MYO10: variants seen among roughly 807,000 people sequenced by gnomAD.
MYO10 encodes the protein unconventional myosin-X.
Under a neutral mutation model 257.3 loss-of-function variants are expected in MYO10, and 133 were observed. The ratio of observed to expected loss-of-function variants is 0.52; its 90% CI spans 0.45 to 0.60. The LOEUF is 0.60. Ranked by LOEUF, MYO10 falls within the 20% of genes least tolerant of loss-of-function variation. The pLI is 0.00. For synonymous variants in MYO10, 1,104 were observed against 1,028.6 expected (o/e 1.07, Z -1.40); for missense variants, 2,399 against 2,635.7 (o/e 0.91, Z 1.97).
intron 19 of MYO10, among the ~76,000 whole-genome samples, chr5:16,726,808 T>C (rs1263482449): frequency 1.3e-5 from 2 of 152,204 alleles, no homozygotes; most frequent in African/African-American, 2.4e-5. Flanking sequence ...TACATTTAGT[T>C]AGAGTGAGGG....
intron 6 of MYO10, 80 bp from the exon 7 acceptor site, chr5:16,780,821 C>G: frequency 2.2e-6 from 3 of 1,358,382 alleles, no homozygotes; most frequent in Non-Finnish European, 3.0e-6. Context: ...ATTTTCTATT[C>G]TTTGGTGCTC....
intron 1 of MYO10, among the ~76,000 whole-genome samples, chr5:16,911,587 C>T (rs1055163161): frequency 6.6e-6 from 1 of 152,048 alleles, no homozygotes. Context: ...CAAAAATTAG[C>T]TGGGTATTGT....
intron 33 of MYO10, among the ~76,000 whole-genome samples, chr5:16,677,895 G>A (rs1736810895): frequency 6.6e-6 from 1 of 151,874 alleles, no homozygotes; most frequent in South Asian, 2.1e-4. Context: ...CAAGTAGCTG[G>A]GACTACAGGC....
At chr5:16,824,150 T>G (rs185884850) in intron 2 of MYO10, among the ~76,000 whole-genome samples, 22 of 152,274 alleles carry the variant, frequency 1.4e-4, no homozygotes, top group Middle Eastern at 3.4e-3. Flanking sequence ...GCCCCCAGTC[T>G]TAAAACCTAA....
intron 39 of MYO10, 105 bp downstream of exon 39, chr5:16,670,421 A>C (rs975207273): frequency 2.9e-6 from 3 of 1,029,136 alleles, no homozygotes; most frequent in Non-Finnish European, 4.2e-6. Context: ...AGGTTGAGAG[A>C]GCAAAATGCT....
intron 40 of MYO10, among the ~76,000 whole-genome samples, chr5:16,667,662 C>T (rs938243820): frequency 2.4e-4 from 33 of 136,984 alleles, no homozygotes; most frequent in African/African-American, 7.9e-4. Context: ...GCTGGAACGC[C>T]CTCCTCAATG....
chr5:16,762,736 G>A, intron 14 of MYO10, 99 bp from the exon 15 acceptor site: 1 of 835,002 alleles, frequency 1.2e-6, no homozygotes, highest in Non-Finnish European at 1.9e-6. Context: ...AGCCAAGATG[G>A]GCAGATCATT....
At chr5:16,711,341 C>T in intron 19 of MYO10, 96 bp from the exon 20 acceptor site, 2 of 1,277,348 alleles carry the variant, frequency 1.6e-6, no homozygotes, top group South Asian at 1.4e-5. Context: ...TGGTTTACCC[C>T]GCTTCAAAAC....
intron 19 of MYO10, 81 bp from the exon 20 acceptor site, chr5:16,711,326 A>G (rs1335740241): frequency 1.4e-6 from 2 of 1,437,806 alleles, no homozygotes; most frequent in South Asian, 1.3e-5. Context: ...AGCCACCTCC[A>G]TCATTGGTTT....
chr5:16,853,353 G>A (rs1394623372), intron 2 of MYO10, among the ~76,000 whole-genome samples: 32 of 149,348 alleles, frequency 2.1e-4, no homozygotes, highest in Admixed American at 3.4e-4. Flanking sequence ...CAGCCTGGGC[G>A]ACAGAGTGAG....
chr5:16,791,392 G>A (rs1465406767), intron 4 of MYO10, among the ~76,000 whole-genome samples: 1 of 151,268 alleles, frequency 6.6e-6, no homozygotes, highest in African/African-American at 2.4e-5. Flanking sequence ...TATTCTTAAA[G>A]TCTCTGTTTC....
intron 1 of MYO10, among the ~76,000 whole-genome samples, chr5:16,917,371 C>T (rs1745850957): frequency 1.3e-5 from 2 of 152,220 alleles, no homozygotes; most frequent in Admixed American, 1.3e-4. Context: ...ACCTATTAGA[C>T]TGGATCAATC....
chr5:16,705,588 TAAC>T (rs1430105376), intron 21 of MYO10, among the ~76,000 whole-genome samples: 1 of 152,222 alleles, frequency 6.6e-6, no homozygotes, highest in Non-Finnish European at 1.5e-5. Context: ...GCTTTTTTGT[TAAC>T]AATCCACACA....
chr5:16,834,020 C>G (rs570249882), intron 2 of MYO10, among the ~76,000 whole-genome samples: 32 of 152,140 alleles, frequency 2.1e-4, no homozygotes, highest in African/African-American at 7.5e-4. Flanking sequence ...GCCAGGCCCC[C>G]CCGAACGCCC....
At chr5:16,669,215 C>G (rs1165370991) in intron 39 of MYO10, among the ~76,000 whole-genome samples, 1 of 40,292 alleles carries the variant, frequency 2.5e-5, no homozygotes, top group East Asian at 9.3e-4. Flanking sequence ...CAGTAGCTTT[C>G]TTTTTTCTTT....
At chr5:16,774,369 C>T (rs1399709915) in intron 9 of MYO10, among the ~76,000 whole-genome samples, 16 of 152,148 alleles carry the variant, frequency 1.1e-4, no homozygotes, top group Admixed American at 9.8e-4. Context: ...CAGTAAATTA[C>T]AAGTAAGTAA....
At chr5:16,709,829 T>C (rs1738513742) in intron 21 of MYO10, among the ~76,000 whole-genome samples, 1 of 152,182 alleles carries the variant, frequency 6.6e-6, no homozygotes, top group Non-Finnish European at 1.5e-5. Flanking sequence ...CTGCATGCTA[T>C]CTCTACCCTG....
At chr5:16,775,128 C>A (rs1049860291) in intron 9 of MYO10, among the ~76,000 whole-genome samples, 1 of 152,148 alleles carries the variant, frequency 6.6e-6, no homozygotes, top group East Asian at 1.9e-4. Flanking sequence ...TAAAATAAAC[C>A]AGTTGTTACT....
intron 3 of MYO10, among the ~76,000 whole-genome samples, chr5:16,816,324 T>A (rs74458975): frequency 7.5e-6 from 1 of 132,968 alleles, no homozygotes; most frequent in Non-Finnish European, 1.6e-5. Context: ...GGTGACAGAG[T>A]GAGACTCTGT....
Sources: gnomAD v4.1 joint callset for allele counts (sites outside exome capture counted in the v4.1 genomes callset) on GRCh38, gnomAD v4.1.1 for gene constraint, MANE v1.5 for transcripts, NCBI Gene and HGNC (gene_info 2026-07-23, HGNC 2026-07-21) for gene names.